DISP1: variants seen among roughly 807,000 people sequenced by gnomAD.
DISP1 encodes the protein protein dispatched homolog 1.
In DISP1, 30 loss-of-function variants were observed where a neutral mutation model predicts 37.3. The observed-to-expected ratio is 0.80, with a 90% confidence interval of 0.60 to 1.09. The LOEUF is 1.09. Among genes scored for constraint, DISP1 ranks in the 50% least tolerant of loss-of-function variants. DISP1 has a pLI of 0.00. For missense variants in DISP1, 1,598 were observed against 1,879.5 expected, an observed-to-expected ratio of 0.85 and a Z score of 2.77; for synonymous variants, 634 against 690.2, an observed-to-expected ratio of 0.92 and a Z score of 1.28.
At chr1:222,845,284 C>G (rs894550981) in intron 1 of DISP1, among the ~76,000 whole-genome samples, 3 of 152,074 alleles carry the variant, frequency 2.0e-5, no homozygotes. Context: ...AAAATCGATT[C>G]TTCATCCGTT....
At chr1:222,999,293 G>A (rs2254155) in intron 8 of DISP1, among the ~76,000 whole-genome samples, 9,488 of 152,196 alleles carry the variant, frequency 0.062, 465 homozygotes, top group Non-Finnish European at 0.092. Flanking sequence ...GGTATAAGAA[G>A]TTGCTTCCAC....
rs1217448078 is a variant in DISP1 at position 223,004,976 on chromosome 1, A to C, written c.3579A>C (p.Glu1193Asp). 5 of 1,614,032 alleles carry C rather than the reference A, an allele frequency of 3.1e-6. No homozygotes were observed. The highest frequency in any genetic ancestry group is 1.6e-4 in the Middle Eastern group (1 of 6,062). The change falls in exon 9 of 9, where the codon GAA (glutamate) becomes GAC (aspartate). Residue 1193 changes from glutamate (E) to aspartate (D), a missense_variant. Physicochemically the swap from Glu to Asp is conservative, Grantham distance 45. Coordinates refer to ENST00000675850, the MANE Select transcript of DISP1 (RefSeq NM_001377229.1). The surrounding 1 kb of genome is among the most constrained non-coding windows in gnomAD (Gnocchi z 4.9). Reference sequence around the variant, plus strand: ...CTGAACTGGAGCATGAGTTTTATGAATTAGAACCTCTGGCTTCCCACAGCT... The same window carrying C: ...CTGAACTGGAGCATGAGTTTTATGACTTAGAACCTCTGGCTTCCCACAGCT... ...PKSELEHEFY[E>D]LEPLASHSCT...
At chr1:222,888,696 G>A (rs1670777979) in intron 1 of DISP1, among the ~76,000 whole-genome samples, 1 of 152,102 alleles carries the variant, frequency 6.6e-6, no homozygotes, top group South Asian at 2.1e-4. Context: ...CACATACTGA[G>A]AGAGTAACCA....
Position 222,990,832 on chromosome 1 carries a change from T to C in DISP1, c.663+84T>C, listed in dbSNP as rs977272702. Reference sequence around the variant, plus strand: ...ATACATGTTGCATTATGTTATTTAGTAACCCATTTCTTTAAAAACCTTCTC... The same window carrying C: ...ATACATGTTGCATTATGTTATTTAGCAACCCATTTCTTTAAAAACCTTCTC... On this transcript the variant is annotated intron_variant, in intron 5 of 8. Coordinates refer to ENST00000675850, the MANE Select transcript of DISP1 (RefSeq NM_001377229.1). 40 of 1,561,630 alleles carry C rather than the reference T, an allele frequency of 2.6e-5. No individual in the cohort carries two copies. In the African/African-American group the frequency reaches 4.6e-4, roughly 18 times the overall value.
In DISP1 at chr1:223,005,543, A is replaced by G. The variant is rs1047026561; in HGVS notation, c.4146A>G (p.Glu1382=). 1 of 1,614,098 alleles carries G rather than the reference A, an allele frequency of 6.2e-7. No individual in the cohort carries two copies. The highest frequency in any genetic ancestry group is 8.5e-7 in the Non-Finnish European group (1 of 1,180,056). ...TACACAGTCTTCAGAGGAGCATAGA[A>G]GAGCATCTTCCAAAGATGGCAGAGC... ...TNVHSLQRSI[E]EHLPKMAEPS... The change falls in exon 9 of 9, where the codon GAA becomes GAG. Residue 1382 remains glutamate (E), a synonymous_variant. Coordinates refer to ENST00000675850, the MANE Select transcript of DISP1 (RefSeq NM_001377229.1).
chr1:222,859,562 C>T lies in DISP1; in HGVS notation c.-159+44484C>T, dbSNP rs543371052. 2.0e-5 allele frequency among the ~76,000 whole-genome samples: 3 copies of T among 152,276 alleles called. No homozygotes were observed. The East Asian group carries it at 5.8e-4, about 29-fold the overall frequency. ...ATATCCACAAAAGAATAACAGGATA[C>T]TTTAGATGGGATCATTCAAAGAATA... On this transcript the variant is annotated intron_variant, in intron 1 of 8. Transcript: ENST00000675850.
chr1:222,914,115 A>C (rs891310307), intron 1 of DISP1, among the ~76,000 whole-genome samples: 1 of 151,724 alleles, frequency 6.6e-6, no homozygotes, highest in Admixed American at 6.6e-5. Flanking sequence ...CTCTATTTGA[A>C]GTTAGTCTGG....
chr1:222,860,892 C>CA (rs930647197), intron 1 of DISP1, among the ~76,000 whole-genome samples: 5 of 151,476 alleles, frequency 3.3e-5, no homozygotes, highest in African/African-American at 7.3e-5. Context: ...AAAAAACAAA[C>CA]AAAAAAAAGA....
At chr1:222,829,877 AT>A (rs1461871990) in intron 1 of DISP1, among the ~76,000 whole-genome samples, 1 of 152,182 alleles carries the variant, frequency 6.6e-6, no homozygotes, top group East Asian at 1.9e-4. Flanking sequence ...TAAAAATAAT[AT>A]TTTAATTGAA....
At chr1:222,913,463 TTA>T (rs1672318239) in intron 1 of DISP1, among the ~76,000 whole-genome samples, 1 of 152,166 alleles carries the variant, frequency 6.6e-6, no homozygotes, top group African/African-American at 2.4e-5. Flanking sequence ...ATTACTTGAA[TTA>T]TATTTCTCTT....
chr1:222,864,372 A>G (rs1669057168), intron 1 of DISP1, among the ~76,000 whole-genome samples: 1 of 151,608 alleles, frequency 6.6e-6, no homozygotes, highest in Non-Finnish European at 1.5e-5. Context: ...GCTTGGCATT[A>G]GGTATTAATA....
chr1:222,912,703 G>A lies in DISP1; in HGVS notation c.-158-15727G>A, dbSNP rs183614688. 5.0e-3 allele frequency among the ~76,000 whole-genome samples: 761 copies of A among 152,242 alleles called. 8 individuals are homozygous for A. Among genetic ancestry groups the A allele is most frequent in the South Asian group, 7.7e-3 (37 of 4,822 alleles). ...AAAGGTTATAGTGAGTTGACTCATG[G>A]ATTAATCAAAGTGTTTCTTTTTAAC... On this transcript the variant is annotated intron_variant, in intron 1 of 8. Coordinates refer to ENST00000675850, the MANE Select transcript of DISP1 (RefSeq NM_001377229.1).
intron 3 of DISP1, among the ~76,000 whole-genome samples, chr1:222,953,082 T>C (rs1675346857): frequency 6.6e-6 from 1 of 152,232 alleles, no homozygotes; most frequent in South Asian, 2.1e-4. Context: ...GCAGTTTTTC[T>C]CCAGGATAGA....
chr1:222,919,284 GCAAACTGA>G (rs1211110027), intron 1 of DISP1, among the ~76,000 whole-genome samples: 1 of 152,236 alleles, frequency 6.6e-6, no homozygotes, highest in Non-Finnish European at 1.5e-5. Flanking sequence ...CAGAATGTTG[GCAAACTGA>G]CAAACTGCAT....
At chr1:222,820,905 T>C (rs1662702585) in intron 1 of DISP1, among the ~76,000 whole-genome samples, 1 of 152,188 alleles carries the variant, frequency 6.6e-6, no homozygotes, top group Non-Finnish European at 1.5e-5. Flanking sequence ...ATCCCTTTTT[T>C]CTCCTACAGC....
chr1:222,927,671 G>A (rs1388522965), intron 1 of DISP1, among the ~76,000 whole-genome samples: 1 of 152,162 alleles, frequency 6.6e-6, no homozygotes, highest in South Asian at 2.1e-4. Flanking sequence ...GTCATGAAGA[G>A]TTAGATTTCA....
chr1:222,994,908 T>C lies in DISP1; in HGVS notation c.913T>C (p.Phe305Leu). 6.2e-7 allele frequency: 1 copy of C among 1,612,312 alleles called. No individual in the cohort carries two copies. The highest frequency in any genetic ancestry group is 8.5e-7 in the Non-Finnish European group (1 of 1,178,710). The change falls in exon 8 of 9, where the codon TTT (phenylalanine) becomes CTT (leucine). Residue 305 changes from phenylalanine to leucine, a missense_variant. Physicochemically the swap from Phe to Leu is conservative, Grantham distance 22. Transcript: ENST00000675850. Reference sequence around the variant, plus strand: ...AGGTGACCGATATTCCAGAGTGGTATTTACTTCATCTGGAGGGGAGACATT... The same window carrying C: ...AGGTGACCGATATTCCAGAGTGGTACTTACTTCATCTGGAGGGGAGACATT... ...VPSDRYSRVV[F>L]TSSGGETLWN...
intron 1 of DISP1, among the ~76,000 whole-genome samples, chr1:222,915,432 A>T (rs536483920): frequency 6.6e-6 from 1 of 152,368 alleles, no homozygotes; most frequent in Non-Finnish European, 1.5e-5. Flanking sequence ...GGAGGAGTGT[A>T]TAACATTCCT....
Position 222,984,079 on chromosome 1 carries a change from TA to T in DISP1, c.539+979del, listed in dbSNP as rs574501758. ...TTAATTAGTAAACTCTCCTTCTATT[TA>T]AAAAAAAATATATTTTTAAAATTGT... is the stretch of plus-strand genomic sequence containing the variant. On this transcript the variant is annotated intron_variant, in intron 4 of 8. Transcript: ENST00000675850. Among the ~76,000 whole-genome samples, 107 of 151,414 alleles carry T rather than the reference TA, an allele frequency of 7.1e-4. 1 individual carries two copies. Among genetic ancestry groups the T allele is most frequent in the African/African-American group, 1.8e-3 (76 of 41,348 alleles).
Sources: gnomAD v4.1 joint callset for allele counts (sites outside exome capture counted in the v4.1 genomes callset) on GRCh38, gnomAD v4.1.1 for gene constraint, Gnocchi (gnomAD v3.1) non-coding constraint, MANE v1.5 for transcripts, NCBI Gene and HGNC (gene_info 2026-07-23, HGNC 2026-07-21) for gene names.